EIF4G3: variants seen among roughly 807,000 people sequenced by gnomAD.
EIF4G3 encodes eIF-4-gamma 3.
Under a neutral mutation model 186.4 loss-of-function variants are expected in EIF4G3, and 34 were observed. The observed-to-expected ratio is 0.18, with a 90% CI of 0.14 to 0.24. The LOEUF (loss-of-function observed/expected upper bound fraction) is 0.24, where lower values mean the gene tolerates loss of function less well. Ranked by LOEUF, EIF4G3 falls within the 10% of genes least tolerant of loss-of-function variation. The pLI is 1.00. For missense variants in EIF4G3, 1,536 were observed against 1,948.5 expected, an observed-to-expected ratio of 0.79 and a Z score of 3.99; for synonymous variants, 673 against 679.5, an observed-to-expected ratio of 0.99 and a Z score of 0.15.
At chr1:20,819,202 G>A (rs376010023) in intron 33 of EIF4G3, among the ~76,000 whole-genome samples, 1 of 152,054 alleles carries the variant, frequency 6.6e-6, no homozygotes, top group South Asian at 2.1e-4. Context: ...TAAGCAAACT[G>A]TAAGTCAAGA....
intron 2 of EIF4G3, among the ~76,000 whole-genome samples, chr1:21,099,035 A>G (rs12724752): frequency 0.027 from 4,183 of 152,290 alleles, 88 homozygotes; most frequent in Non-Finnish European, 0.038. Flanking sequence ...TTAATGAAAC[A>G]TCATTAATGA....
chr1:20,870,792 A>G (rs906860600), intron 20 of EIF4G3, among the ~76,000 whole-genome samples: 1 of 152,182 alleles, frequency 6.6e-6, no homozygotes, highest in African/African-American at 2.4e-5. Flanking sequence ...ATGCTTTATT[A>G]TTCATGAAGG....
intron 2 of EIF4G3, among the ~76,000 whole-genome samples, chr1:21,091,685 T>C (rs937222575): frequency 2.0e-5 from 3 of 152,184 alleles, no homozygotes; most frequent in Admixed American, 1.3e-4. Context: ...TAGTTTGTAG[T>C]TCTCCTTGAA....
At chr1:21,071,997 C>T (rs2095456510) in intron 3 of EIF4G3, among the ~76,000 whole-genome samples, 1 of 152,106 alleles carries the variant, frequency 6.6e-6, no homozygotes, top group Admixed American at 6.5e-5. Flanking sequence ...AAACAACTTC[C>T]TATGGGATTA....
At chr1:20,824,133 C>T (rs1057433353) in intron 33 of EIF4G3, among the ~76,000 whole-genome samples, 5 of 152,168 alleles carry the variant, frequency 3.3e-5, no homozygotes, top group Admixed American at 3.3e-4. Flanking sequence ...CTGGCTTTTC[C>T]CCCTCATTAA....
intron 30 of EIF4G3, among the ~76,000 whole-genome samples, chr1:20,836,076 C>G (rs987040948): frequency 1.3e-5 from 2 of 152,056 alleles, no homozygotes; most frequent in Non-Finnish European, 2.9e-5. Flanking sequence ...TTTACAAGAT[C>G]AGTATGGCAA....
chr1:20,923,892 C>T (rs2094677604), intron 14 of EIF4G3, among the ~76,000 whole-genome samples: 1 of 151,632 alleles, frequency 6.6e-6, no homozygotes, highest in Non-Finnish European at 1.5e-5. Context: ...TTGCCTCATT[C>T]ATCTCTGTGG....
intron 2 of EIF4G3, among the ~76,000 whole-genome samples, chr1:21,139,737 T>C: frequency 6.6e-6 from 1 of 152,248 alleles, no homozygotes; most frequent in East Asian, 1.9e-4. Flanking sequence ...GTTGCCAACT[T>C]AGAGTGCAGT....
In EIF4G3 at chr1:21,158,726, T is replaced by C. The variant is rs370940158; in HGVS notation, c.-272+17449A>G. On this transcript the variant is annotated intron_variant, in intron 2 of 36. Transcript: ENST00000602326. ...GAGTCCAACGGTGAGTATACACACG[T>C]ACATACATATACATACACACACACA... Among the ~76,000 whole-genome samples, 14 of 142,202 alleles carry C rather than the reference T, an allele frequency of 9.8e-5. No individual in the cohort carries two copies. The East Asian group carries it at 2.7e-3, about 28-fold the overall frequency. The allele number at this position is 142,202 out of a possible 152,430, so 93.3% of individuals were successfully genotyped here. A position where few individuals can be genotyped will look rare whatever the true frequency, so the allele number is the denominator to read the frequency against.
chr1:20,849,297 G>C, intron 29 of EIF4G3, 118 bp downstream of exon 29: 1 of 501,864 alleles, frequency 2.0e-6, no homozygotes, highest in Non-Finnish European at 3.5e-6. Context: ...TGTAGGACTT[G>C]TATTACTCAA....
intron 3 of EIF4G3, among the ~76,000 whole-genome samples, chr1:21,051,669 T>C (rs373160196): frequency 2.0e-5 from 3 of 152,256 alleles, no homozygotes; most frequent in Admixed American, 6.5e-5. Flanking sequence ...CTGTGCAACA[T>C]AGCAAGACTT....
intron 13 of EIF4G3, among the ~76,000 whole-genome samples, chr1:20,949,388 G>A (rs545258300): frequency 2.6e-5 from 4 of 152,276 alleles, no homozygotes; most frequent in African/African-American, 9.6e-5. Context: ...CAGCATTAAT[G>A]ACTATAATTT....
intron 14 of EIF4G3, among the ~76,000 whole-genome samples, chr1:20,927,066 G>A (rs1374668996): frequency 2.0e-5 from 3 of 146,830 alleles, no homozygotes; most frequent in Admixed American, 6.8e-5. Flanking sequence ...TTTTTTTTGA[G>A]GTGGAGTCTC....
intron 10 of EIF4G3, among the ~76,000 whole-genome samples, chr1:20,975,788 T>C (rs1035600848): frequency 6.6e-6 from 1 of 152,102 alleles, no homozygotes; most frequent in Admixed American, 6.6e-5. Flanking sequence ...AGTACATTTG[T>C]ATAGATCAAA....
chr1:20,978,677 C>CAAA (rs10603153), intron 10 of EIF4G3, among the ~76,000 whole-genome samples: 4 of 106,316 alleles, frequency 3.8e-5, no homozygotes, highest in African/African-American at 1.5e-4. Context: ...TTTATCAGAT[C>CAAA]AAAAAAAAAA....
chr1:20,839,179 A>G (rs375244366), intron 30 of EIF4G3, among the ~76,000 whole-genome samples: 3 of 151,848 alleles, frequency 2.0e-5, no homozygotes, highest in African/African-American at 7.2e-5. Flanking sequence ...GGGTTTCACC[A>G]TGTTAGCCAG....
At chr1:21,066,294 G>GAAAAAAAAAAAAGAAAA (rs2095238718) in intron 3 of EIF4G3, among the ~76,000 whole-genome samples, 1 of 138,158 alleles carries the variant, frequency 7.2e-6, no homozygotes, top group Non-Finnish European at 1.6e-5. Flanking sequence ...ACTCCTGGAG[G>GAAAAAAAAAAAAGAAAA]AAAAAAAAAA....
intron 2 of EIF4G3, among the ~76,000 whole-genome samples, chr1:21,110,720 C>T (rs2096710195): frequency 7.4e-6 from 1 of 134,598 alleles, no homozygotes; most frequent in East Asian, 2.4e-4. Flanking sequence ...GTGTGAGGCA[C>T]CACGCCCAGC....
chr1:21,132,378 A>G (rs1176185794), intron 2 of EIF4G3, among the ~76,000 whole-genome samples: 3 of 152,152 alleles, frequency 2.0e-5, no homozygotes, highest in African/African-American at 7.2e-5. Context: ...TAAGCCTAGG[A>G]AAAAATGCTG....
Sources: gnomAD v4.1 joint callset for allele counts (sites outside exome capture counted in the v4.1 genomes callset) on GRCh38, gnomAD v4.1.1 for gene constraint, MANE v1.5 for transcripts, NCBI Gene and HGNC (gene_info 2026-07-23, HGNC 2026-07-21) for gene names.